Variants in NTN1 observed in about 807,000 individuals in gnomAD.
NTN1 encodes netrin-1.
Under a neutral mutation model 54.2 loss-of-function variants are expected in NTN1, and 11 were observed. The observed-to-expected ratio is 0.20, with a 90% CI of 0.13 to 0.34. NTN1 has a LOEUF of 0.34. Ranked by LOEUF, NTN1 falls within the 10% of genes least tolerant of loss-of-function variation. The pLI is 1.00. For synonymous variants in NTN1, 371 were observed against 382.0 expected (o/e 0.97, Z 0.33); for missense variants, 740 against 893.1 (o/e 0.83, Z 2.18).
intron 2 of NTN1, among the ~76,000 whole-genome samples, chr17:9,076,867 G>C (rs763068876): frequency 6.6e-6 from 1 of 152,232 alleles, no homozygotes; most frequent in Non-Finnish European, 1.5e-5. Context: ...CACCCAGGAT[G>C]GGGTGTCCCT....
chr17:9,041,464 C>T (rs147460463), intron 2 of NTN1, among the ~76,000 whole-genome samples: 18 of 152,254 alleles, frequency 1.2e-4, no homozygotes, highest in African/African-American at 3.6e-4. Flanking sequence ...TTGTGACTGA[C>T]GTCTTTCAAT....
chr17:9,137,288 C>T (rs1025087135), intron 2 of NTN1, among the ~76,000 whole-genome samples: 1 of 152,144 alleles, frequency 6.6e-6, no homozygotes, highest in Non-Finnish European at 1.5e-5. Flanking sequence ...GTTCTGTATT[C>T]CCACCCCCAC....
chr17:9,007,735 G>T, the NTN1 span, among the ~76,000 whole-genome samples: 3 of 140,894 alleles, frequency 2.1e-5, no homozygotes, highest in South Asian at 2.3e-4. Context: ...TTTCTTGCTT[G>T]CTTGCTTGCT....
chr17:9,138,948 G>A (rs865922146), intron 2 of NTN1, among the ~76,000 whole-genome samples: 7 of 152,176 alleles, frequency 4.6e-5, no homozygotes, highest in Non-Finnish European at 8.8e-5. Flanking sequence ...AGTCCCCTCC[G>A]ATATCCCTGA....
intron 5 of NTN1, among the ~76,000 whole-genome samples, chr17:9,188,659 G>A (rs117024875): frequency 1.3e-5 from 2 of 152,208 alleles, no homozygotes; most frequent in South Asian, 2.1e-4. Flanking sequence ...GGCGGAAGTC[G>A]TCTGTCGTCT....
At position 9,165,310 on chromosome 17, in the gene NTN1, C is replaced by CA. The variant is rs1435539080; in HGVS notation, c.1207+2310dup. Among the ~76,000 whole-genome samples the CA allele has an allele frequency of 6.6e-6, 1 of 152,234 alleles. No homozygotes were observed. The highest frequency in any genetic ancestry group is 1.5e-5 in the Non-Finnish European group (1 of 68,042). On this transcript the variant is annotated intron_variant, in intron 3 of 6. Coordinates refer to ENST00000173229, the MANE Select transcript of NTN1 (RefSeq NM_004822.3). This position sits in a 1 kb window ranked among gnomAD's most constrained non-coding sequence, Gnocchi z 4.5. Reference sequence around the variant, plus strand: ...GAGCCATTTGCAGCCTCTCACCACTCAGAGTGAGAGACGTCAGGAAGCCAC... The same window carrying CA: ...GAGCCATTTGCAGCCTCTCACCACTCAAGAGTGAGAGACGTCAGGAAGCCAC...
intron 2 of NTN1, among the ~76,000 whole-genome samples, chr17:9,059,102 T>C (rs969014187): frequency 1.3e-5 from 2 of 152,210 alleles, no homozygotes; most frequent in Non-Finnish European, 2.9e-5. Flanking sequence ...AAGCCCTCTA[T>C]ATTATCATTC....
In NTN1 at chr17:9,022,368, C is replaced by G; in HGVS notation, c.-6C>G. ...CGCGGCAGGGCCGGGGCAAGCTGGA[C>G]GCAGCATGATGCGCGCAGTGTGGGA... On this transcript the variant is annotated 5_prime_UTR_variant, in exon 2 of 7. Coordinates refer to ENST00000173229, the MANE Select transcript of NTN1 (RefSeq NM_004822.3). 1 of 1,299,512 alleles carries G rather than the reference C, an allele frequency of 7.7e-7. No homozygotes were observed. 80.5% of individuals were successfully genotyped at this position (1,299,512 alleles called of 1,614,324 possible). A position where few individuals can be genotyped will look rare whatever the true frequency, so the allele number is the denominator to read the frequency against.
the NTN1 span, among the ~76,000 whole-genome samples, chr17:9,014,254 C>T: frequency 2.0e-5 from 3 of 152,218 alleles, no homozygotes; most frequent in South Asian, 2.1e-4. Context: ...ATCCTCCATG[C>T]AGCCTATCAG....
intron 5 of NTN1, among the ~76,000 whole-genome samples, chr17:9,197,370 TGAC>T: frequency 6.6e-6 from 1 of 152,164 alleles, no homozygotes; most frequent in South Asian, 2.1e-4. Flanking sequence ...TAGAAATTCA[TGAC>T]GTGGGCCAGG....
chr17:9,131,433 T>C (rs1051713078), intron 2 of NTN1, among the ~76,000 whole-genome samples: 2 of 150,660 alleles, frequency 1.3e-5, no homozygotes, highest in African/African-American at 2.5e-5. Flanking sequence ...AAATATTTGC[T>C]GAATGAATGA....
upstream of NTN1, among the ~76,000 whole-genome samples, chr17:9,019,602 G>A (rs957748735): frequency 3.9e-5 from 6 of 152,198 alleles, no homozygotes; most frequent in East Asian, 1.9e-4. Context: ...GTCAACTCAC[G>A]TGATGCTCAC....
At chr17:9,054,594 A>G (rs983509300) in intron 2 of NTN1, among the ~76,000 whole-genome samples, 1 of 152,252 alleles carries the variant, frequency 6.6e-6, no homozygotes, top group Non-Finnish European at 1.5e-5. Context: ...GCAGAAAGAA[A>G]GGAGGAGGGA....
intron 2 of NTN1, among the ~76,000 whole-genome samples, chr17:9,072,951 T>C (rs1179374659): frequency 6.6e-6 from 1 of 152,210 alleles, no homozygotes; most frequent in Non-Finnish European, 1.5e-5. Context: ...TTCCCCACCC[T>C]CCTGTAGCAG....
upstream of NTN1, among the ~76,000 whole-genome samples, chr17:9,019,720 G>A (rs2091839586): frequency 6.6e-6 from 1 of 152,210 alleles, no homozygotes. Flanking sequence ...CAGGTACCCT[G>A]GCTCCGAAGC....
chr17:9,225,554 C>T (rs959703611), intron 6 of NTN1, among the ~76,000 whole-genome samples: 2 of 152,310 alleles, frequency 1.3e-5, no homozygotes, highest in South Asian at 2.1e-4. Flanking sequence ...TGGAGAATCT[C>T]CCATGTGTCC....
At chr17:9,225,309 G>A (rs2142361153) in intron 6 of NTN1, among the ~76,000 whole-genome samples, 1 of 152,244 alleles carries the variant, frequency 6.6e-6, no homozygotes, top group East Asian at 1.9e-4. Flanking sequence ...AGCTCAGCCT[G>A]TGTGTTCAGG....
At chr17:9,084,997 A>G (rs1332613031) in intron 2 of NTN1, among the ~76,000 whole-genome samples, 1 of 152,136 alleles carries the variant, frequency 6.6e-6, no homozygotes, top group Non-Finnish European at 1.5e-5. Flanking sequence ...TGCAGCAATG[A>G]GAGTAGAGCC....
At chr17:9,178,196 CAAAA>C (rs1381186090) in intron 3 of NTN1, among the ~76,000 whole-genome samples, 2 of 152,108 alleles carry the variant, frequency 1.3e-5, no homozygotes, top group Admixed American at 6.5e-5. Flanking sequence ...AAATCCATCT[CAAAA>C]GAAAAGAAAA....
Sources: gnomAD v4.1 joint callset for allele counts (sites outside exome capture counted in the v4.1 genomes callset) on GRCh38, gnomAD v4.1.1 for gene constraint, Gnocchi (gnomAD v3.1) non-coding constraint, MANE v1.5 for transcripts, NCBI Gene and HGNC (gene_info 2026-07-23, HGNC 2026-07-21) for gene names.